NOTCH2NLC: variants seen among roughly 807,000 people sequenced by gnomAD.
The protein encoded by NOTCH2NLC is notch homolog 2 N-terminal-like protein C.
A neutral mutation model predicts 17.7 loss-of-function variants in NOTCH2NLC; 4 were observed. That is an observed-to-expected ratio of 0.23 (90% CI 0.11 to 0.52). The LOEUF (loss-of-function observed/expected upper bound fraction) is 0.52, where lower values mean the gene tolerates loss of function less well. Ranked by LOEUF, NOTCH2NLC falls within the 20% of genes least tolerant of loss-of-function variation. The pLI, the probability that NOTCH2NLC is intolerant of heterozygous loss-of-function variation, is 0.96. For synonymous variants in NOTCH2NLC, 18 were observed against 86.0 expected, an observed-to-expected ratio of 0.21 and a Z score of 4.38; for missense variants, 57 against 207.2, an observed-to-expected ratio of 0.28 and a Z score of 4.45.
At chr1:149,459,839 A>ATTT (rs2084631946) in intron 3 of NOTCH2NLC, among the ~76,000 whole-genome samples, 2 of 144,430 alleles carry the variant, frequency 1.4e-5, no homozygotes, top group Non-Finnish European at 3.1e-5. Context: ...GGAAGAAGCA[A>ATTT]AAGCAGAACC....
At chr1:149,424,844 G>A (rs2084403995) in intron 1 of NOTCH2NLC, among the ~76,000 whole-genome samples, 2 of 151,090 alleles carry the variant, frequency 1.3e-5, no homozygotes, top group South Asian at 4.2e-4. Context: ...AGAGAGGAGG[G>A]AGCAAGAGAG....
intron 1 of NOTCH2NLC, among the ~76,000 whole-genome samples, chr1:149,419,882 C>CTTTTTTTTTTT (rs2084369758): frequency 9.6e-5 from 3 of 31,272 alleles, no homozygotes; most frequent in African/African-American, 3.8e-4. Flanking sequence ...TTTTTTTTTT[C>CTTTTTTTTTTT]CTCAGGCAGA....
chr1:149,462,029 G>GC (rs2084653222), intron 3 of NOTCH2NLC, among the ~76,000 whole-genome samples: 1 of 134,746 alleles, frequency 7.4e-6, no homozygotes, highest in Admixed American at 7.5e-5. Context: ...TGTACCTAAT[G>GC]TAAATGACGA....
chr1:149,399,633 G>C (rs1286154658), intron 1 of NOTCH2NLC, among the ~76,000 whole-genome samples: 1 of 98,124 alleles, frequency 1.0e-5, no homozygotes, highest in African/African-American at 4.1e-5. Context: ...TCTTTAGTTA[G>C]AAACATTAAG....
chr1:149,421,510 A>G (rs1185559426), intron 1 of NOTCH2NLC, among the ~76,000 whole-genome samples: 1 of 147,382 alleles, frequency 6.8e-6, no homozygotes, highest in Non-Finnish European at 1.5e-5. Context: ...AAAAAAAAAA[A>G]AAAAAAAAAA....
intron 1 of NOTCH2NLC, among the ~76,000 whole-genome samples, chr1:149,393,532 T>C (rs1156672571): frequency 1.3e-5 from 2 of 148,584 alleles, no homozygotes; most frequent in Non-Finnish European, 3.0e-5. Flanking sequence ...CAAGGAGATG[T>C]TAGCAGTATG....
chr1:149,423,987 A>G lies in NOTCH2NLC; in HGVS notation c.136-6955A>G, dbSNP rs1435186774. Among the ~76,000 whole-genome samples, 3 of 150,702 alleles carry G rather than the reference A, an allele frequency of 2.0e-5. 1 individual carries two copies. The highest frequency in any genetic ancestry group is 4.4e-5 in the Non-Finnish European group (3 of 67,474). On this transcript the variant is annotated intron_variant, in intron 1 of 4. Coordinates refer to ENST00000650865, the MANE Select transcript of NOTCH2NLC (RefSeq NM_001364013.2). ...ATTACTCATGTTAGAGATTCCTAAA[A>G]CAAAGGGAGGCTTTTAAGCCAGTGA...
intron 1 of NOTCH2NLC, among the ~76,000 whole-genome samples, chr1:149,416,999 G>A (rs1419194461): frequency 2.8e-5 from 4 of 143,422 alleles, no homozygotes; most frequent in African/African-American, 5.1e-5. Flanking sequence ...TGTTTTTGAT[G>A]TGCATAGCTG....
At chr1:149,398,269 T>C (rs1169413481) in intron 1 of NOTCH2NLC, among the ~76,000 whole-genome samples, 1 of 150,350 alleles carries the variant, frequency 6.7e-6, no homozygotes, top group Non-Finnish European at 1.5e-5. Flanking sequence ...AACCCCTTTG[T>C]CTGGTGAGGG....
intron 1 of NOTCH2NLC, among the ~76,000 whole-genome samples, chr1:149,393,764 G>T: frequency 8.0e-6 from 1 of 124,794 alleles, no homozygotes; most frequent in African/African-American, 3.1e-5. Flanking sequence ...TTTTTGGTGT[G>T]GTGGAGAGGA....
chr1:149,427,174 A>T (rs1171455925), intron 1 of NOTCH2NLC, among the ~76,000 whole-genome samples: 1 of 151,278 alleles, frequency 6.6e-6, no homozygotes, highest in Non-Finnish European at 1.5e-5. Context: ...TTTGAAATGT[A>T]TAATACCCTA....
chr1:149,430,860 G>C (rs2084444692), intron 1 of NOTCH2NLC, 82 bp from the exon 2 acceptor site: 4 of 218,830 alleles, frequency 1.8e-5, no homozygotes, highest in South Asian at 1.0e-4. Flanking sequence ...GATCTGGATT[G>C]GATTACACTT....
In NOTCH2NLC at chr1:149,416,211, C is replaced by T. The variant is rs1265665400; in HGVS notation, c.136-14731C>T. ...AGTGCTCTGAGCTGTCTGAGGTTTC[C>T]TAAATTGGGATTCAACATCATGAAG... On this transcript the variant is annotated intron_variant, in intron 1 of 4. Transcript: ENST00000650865. 6.3e-5 allele frequency among the ~76,000 whole-genome samples: 6 copies of T among 95,030 alleles called. No individual in the cohort carries two copies. In the East Asian group the frequency reaches 1.4e-3, roughly 22 times the overall value. 62.3% of individuals were successfully genotyped at this position (95,030 alleles called of 152,430 possible).
rs1365008157 is a variant in NOTCH2NLC, at chr1:149,430,675, G to A, written c.136-267G>A. Among the ~76,000 whole-genome samples the A allele has an allele frequency of 2.7e-5, 4 of 149,606 alleles. No individual in the cohort carries two copies. The South Asian group carries it at 6.4e-4, about 24-fold the overall frequency. ...TGGCTTTAATTTTTAATTGGGAGAT[G>A]GAGATGTAACAGCTGGAGATACTGA... On this transcript the variant is annotated intron_variant, in intron 1 of 4. Coordinates refer to ENST00000650865, the MANE Select transcript of NOTCH2NLC (RefSeq NM_001364013.2).
intron 2 of NOTCH2NLC, among the ~76,000 whole-genome samples, chr1:149,436,745 A>G (rs1361994022): frequency 1.3e-5 from 2 of 149,910 alleles, no homozygotes; most frequent in African/African-American, 2.5e-5. Context: ...CTGCCAGCCT[A>G]GTTCCTTCAA....
intron 3 of NOTCH2NLC, among the ~76,000 whole-genome samples, chr1:149,460,909 TTCTTTCTC>T (rs1249922225): frequency 1.4e-4 from 7 of 48,644 alleles, no homozygotes; most frequent in Non-Finnish European, 2.7e-4. Flanking sequence ...CTTTCTTTCT[TTCTTTCTC>T]TCTCTTTCTC....
At chr1:149,462,097 G>T (rs2084653762) in intron 3 of NOTCH2NLC, among the ~76,000 whole-genome samples, 3 of 143,806 alleles carry the variant, frequency 2.1e-5, no homozygotes, top group Admixed American at 6.9e-5. Flanking sequence ...AAACCTGCAT[G>T]TTGTGCACGT....
At chr1:149,445,874 T>G (rs1176048144) in intron 2 of NOTCH2NLC, among the ~76,000 whole-genome samples, 3 of 147,020 alleles carry the variant, frequency 2.0e-5, no homozygotes, top group Non-Finnish European at 3.0e-5. Flanking sequence ...TGTTGTTGTT[T>G]TTTTTTGAAT....
intron 1 of NOTCH2NLC, among the ~76,000 whole-genome samples, chr1:149,408,615 A>G (rs1446479593): frequency 3.3e-5 from 5 of 151,416 alleles, no homozygotes; most frequent in Admixed American, 2.0e-4. Flanking sequence ...AGGGAATAAA[A>G]TGTATGATGG....
Sources: allele counts gnomAD v4.1 joint callset (sites outside exome capture counted in the v4.1 genomes callset), GRCh38; gene constraint gnomAD v4.1.1; transcripts MANE v1.5; gene names NCBI Gene and HGNC (gene_info 2026-07-23, HGNC 2026-07-21).